LOC128462377: variants seen among roughly 807,000 people sequenced by gnomAD.
At chr16:89,325,467 T>A in the LOC128462377 span, among the ~76,000 whole-genome samples, 2,135 of 140,502 alleles carry the variant, frequency 0.015, 58 homozygotes, top group African/African-American at 0.058. Flanking sequence ...TCTCTCTCTC[T>A]CTCACACACA....
chr16:89,356,125 C>T, the LOC128462377 span, among the ~76,000 whole-genome samples: 1 of 152,240 alleles, frequency 6.6e-6, no homozygotes, highest in South Asian at 2.1e-4. Context: ...TTACTATGAA[C>T]TAGTGCTTTT....
At chr16:89,320,612 T>G in the LOC128462377 span, among the ~76,000 whole-genome samples, 1 of 149,982 alleles carries the variant, frequency 6.7e-6, no homozygotes. Context: ...TCACCGAGAG[T>G]CCAGGGTGGT....
the LOC128462377 span, among the ~76,000 whole-genome samples, chr16:89,377,993 C>T: frequency 1.3e-5 from 2 of 152,132 alleles, no homozygotes; most frequent in African/African-American, 4.8e-5. Flanking sequence ...TTATGATTTT[C>T]TTAACAACAC....
chr16:89,365,612 T>C, the LOC128462377 span, among the ~76,000 whole-genome samples: 1 of 152,236 alleles, frequency 6.6e-6, no homozygotes, highest in Non-Finnish European at 1.5e-5. Context: ...AGAGGTATGT[T>C]CACTCAAGAA....
chr16:89,392,600 C>T, the LOC128462377 span: 2 of 151,896 alleles, frequency 1.3e-5, no homozygotes, highest in East Asian at 1.9e-4. Context: ...TTGAAGCAGA[C>T]CTGTCTTGGT....
chr16:89,397,896 C>G, the LOC128462377 span, among the ~76,000 whole-genome samples: 2 of 152,244 alleles, frequency 1.3e-5, no homozygotes, highest in African/African-American at 2.4e-5. Flanking sequence ...CTCTCCATCC[C>G]TGGTCAAAGC....
chr16:89,406,916 C>T, the LOC128462377 span, among the ~76,000 whole-genome samples: 6 of 152,186 alleles, frequency 3.9e-5, no homozygotes, highest in African/African-American at 1.4e-4. Context: ...TGGTGGCTCA[C>T]GCCCATAATC....
chr16:89,368,632 G>C, the LOC128462377 span, among the ~76,000 whole-genome samples: 1 of 151,186 alleles, frequency 6.6e-6, no homozygotes, highest in Admixed American at 6.6e-5. Context: ...AAAGGGCTGG[G>C]TGCCATGGCT....
At chr16:89,348,233 C>T in the LOC128462377 span, among the ~76,000 whole-genome samples, 1 of 152,140 alleles carries the variant, frequency 6.6e-6, no homozygotes, top group East Asian at 1.9e-4. Flanking sequence ...TATCTGGCCT[C>T]AAATACCATT....
At chr16:89,342,186 T>A in the LOC128462377 span, among the ~76,000 whole-genome samples, 1 of 152,188 alleles carries the variant, frequency 6.6e-6, no homozygotes, top group Non-Finnish European at 1.5e-5. Flanking sequence ...ACAACACAGG[T>A]ACTGACAGGT....
the LOC128462377 span, among the ~76,000 whole-genome samples, chr16:89,368,608 TAA>T: frequency 0.032 from 4,244 of 131,584 alleles, 135 homozygotes; most frequent in African/African-American, 0.081. Flanking sequence ...ACGCAGCTCT[TAA>T]AAAAAAAAAA....
the LOC128462377 span, among the ~76,000 whole-genome samples, chr16:89,393,588 C>T: frequency 5.3e-5 from 8 of 151,622 alleles, no homozygotes; most frequent in African/African-American, 1.2e-4. Flanking sequence ...GTGATTTGCC[C>T]GCCTCAGCCT....
At chr16:89,345,141 A>T in the LOC128462377 span, among the ~76,000 whole-genome samples, 1 of 152,316 alleles carries the variant, frequency 6.6e-6, no homozygotes, top group African/African-American at 2.4e-5. Context: ...TCCACCAGGA[A>T]ATGGAAAAGG....
At chr16:89,343,721 T>C in the LOC128462377 span, 1 of 152,246 alleles carries the variant, frequency 6.6e-6, no homozygotes, top group Non-Finnish European at 1.5e-5. Context: ...TACAGATGAG[T>C]CACAGCTCAT....
chr16:89,359,616 G>A, the LOC128462377 span, among the ~76,000 whole-genome samples: 11 of 152,200 alleles, frequency 7.2e-5, no homozygotes, highest in Non-Finnish European at 1.6e-4. Context: ...ATGGCACAGA[G>A]CTGCTCATTT....
chr16:89,356,008 G>C, the LOC128462377 span, among the ~76,000 whole-genome samples: 5 of 152,300 alleles, frequency 3.3e-5, no homozygotes, highest in African/African-American at 1.2e-4. Flanking sequence ...CCCCGCCCTG[G>C]GGGCTGAGGC....
chr16:89,380,029 A>G, the LOC128462377 span, among the ~76,000 whole-genome samples: 19 of 152,216 alleles, frequency 1.2e-4, no homozygotes, highest in Non-Finnish European at 2.2e-4. Context: ...CCAAGTATCA[A>G]TGGGTATATA....
At chr16:89,333,758 G>A in the LOC128462377 span, among the ~76,000 whole-genome samples, 2 of 152,114 alleles carry the variant, frequency 1.3e-5, no homozygotes, top group South Asian at 2.1e-4. Context: ...CTGCTTCCAA[G>A]TTTTGGCAAT....
At chr16:89,403,328 T>A in the LOC128462377 span, among the ~76,000 whole-genome samples, 3 of 151,962 alleles carry the variant, frequency 2.0e-5, no homozygotes, top group Admixed American at 6.6e-5. Context: ...GACCGGCCCC[T>A]CCTGACTGGC....
Sources: gnomAD v4.1 joint callset for allele counts (sites outside exome capture counted in the v4.1 genomes callset) on GRCh38, gnomAD v4.1.1 for gene constraint, MANE v1.5 for transcripts.